ANP32B: variants seen among roughly 807,000 people sequenced by gnomAD.
ANP32B encodes acidic nuclear phosphoprotein 32 family member B.
Under a neutral mutation model 32.2 loss-of-function variants are expected in ANP32B, and 6 were observed. That is an observed-to-expected ratio of 0.19 (90% CI 0.10 to 0.37). ANP32B has a LOEUF of 0.37. Among genes scored for constraint, ANP32B ranks in the 10% least tolerant of loss-of-function variants. ANP32B has a pLI of 1.00. For missense variants in ANP32B, 204 were observed against 289.2 expected (o/e 0.71, Z 2.14); for synonymous variants, 98 against 105.8 (o/e 0.93, Z 0.45).
chr9:98,011,917 A>C (rs1828191770), intron 5 of ANP32B, among the ~76,000 whole-genome samples: 1 of 152,246 alleles, frequency 6.6e-6, no homozygotes, highest in Non-Finnish European at 1.5e-5. Context: ...ATACGAGGGC[A>C]GGAGAAAACA....
chr9:97,997,662 T>G (rs560530525), intron 2 of ANP32B, among the ~76,000 whole-genome samples: 21 of 152,376 alleles, frequency 1.4e-4, no homozygotes, highest in Admixed American at 7.8e-4. Flanking sequence ...CTTTGAGCAG[T>G]GCCTGGCATT....
chr9:97,993,000 C>T (rs943600631), intron 1 of ANP32B, among the ~76,000 whole-genome samples: 1 of 152,188 alleles, frequency 6.6e-6, no homozygotes, highest in Non-Finnish European at 1.5e-5. Context: ...CAGGATTCAA[C>T]CCCCGGCATA....
intron 3 of ANP32B, among the ~76,000 whole-genome samples, chr9:98,003,334 C>T (rs1041608925): frequency 3.3e-5 from 5 of 152,152 alleles, no homozygotes; most frequent in Non-Finnish European, 7.4e-5. Flanking sequence ...AGATGAAGTT[C>T]TTCATGTGCA....
chr9:97,999,637 AG>A (rs1177028282), intron 3 of ANP32B, among the ~76,000 whole-genome samples: 1 of 152,224 alleles, frequency 6.6e-6, no homozygotes, highest in Non-Finnish European at 1.5e-5. Context: ...CACTTATAGC[AG>A]GGAGGATAAT....
chr9:97,986,117 G>A (rs962054066), intron 1 of ANP32B, among the ~76,000 whole-genome samples: 2 of 144,160 alleles, frequency 1.4e-5, no homozygotes, highest in South Asian at 2.1e-4. Flanking sequence ...CACCGCCCCC[G>A]GCCACCAGTT....
At chr9:97,996,633 G>A (rs890631955) in intron 2 of ANP32B, among the ~76,000 whole-genome samples, 4 of 152,086 alleles carry the variant, frequency 2.6e-5, no homozygotes, top group Non-Finnish European at 4.4e-5. Flanking sequence ...AACTCTTGTT[G>A]CCCAGGTTGG....
At position 98,008,272 on chromosome 9, in the gene ANP32B, C is replaced by T. The variant is rs148470589; in HGVS notation, c.518-2999C>T. ...ATTGGGATTTTTGACATGTTTCAAA[C>T]AGTAGGAGTGATTTTTGAAAGAGAG... On this transcript the variant is annotated intron_variant, in intron 4 of 6. Transcript: ENST00000339399. 3.1e-3 allele frequency among the ~76,000 whole-genome samples: 466 copies of T among 152,286 alleles called. 3 individuals carry two copies. The highest frequency in any genetic ancestry group is 0.011 in the African/African-American group (440 of 41,580).
At chr9:97,984,232 G>A (rs948089629) in intron 1 of ANP32B, among the ~76,000 whole-genome samples, 4 of 150,796 alleles carry the variant, frequency 2.7e-5, no homozygotes, top group African/African-American at 9.7e-5. Context: ...CCCGGCGCGC[G>A]GAGCGGGGGA....
chr9:97,994,554 A>T, intron 1 of ANP32B, 77 bp from the exon 2 acceptor site: 2 of 1,456,324 alleles, frequency 1.4e-6, no homozygotes, highest in Non-Finnish European at 1.9e-6. Context: ...CAGGATATTT[A>T]TGGTAGAAGT....
intron 3 of ANP32B, among the ~76,000 whole-genome samples, chr9:98,004,089 T>G (rs971079072): frequency 2.6e-5 from 4 of 152,212 alleles, no homozygotes; most frequent in African/African-American, 9.6e-5. Context: ...GAAATACTAG[T>G]ACACTGATAT....
Position 97,983,464 on chromosome 9 carries a change from T to C in ANP32B, c.-92T>C. The C allele has an allele frequency of 8.1e-7, 1 of 1,227,270 alleles. No homozygotes were observed. The highest frequency in any genetic ancestry group is 2.8e-5 in the East Asian group (1 of 35,430). The allele number at this position is 1,227,270 out of a possible 1,614,324, so 76.0% of individuals were successfully genotyped here. A position where few individuals can be genotyped will look rare whatever the true frequency, so the allele number is the denominator to read the frequency against. On this transcript the variant is annotated 5_prime_UTR_variant, in exon 1 of 7. Coordinates refer to ENST00000339399, the MANE Select transcript of ANP32B (RefSeq NM_006401.3). ...CCGGCCTCCGCCGCTAGCAAACCCT[T>C]CCGACGGCCCTCGCTGCGCAAGCCG...
chr9:97,999,129 T>C (rs1050734085), intron 3 of ANP32B, among the ~76,000 whole-genome samples: 18 of 151,588 alleles, frequency 1.2e-4, no homozygotes, highest in African/African-American at 4.4e-4. Context: ...TTTTTACTTT[T>C]TATGTAAGTC....
chr9:97,994,563 G>A, intron 1 of ANP32B, 68 bp from the exon 2 acceptor site: 1 of 1,508,250 alleles, frequency 6.6e-7, no homozygotes, highest in South Asian at 1.2e-5. Context: ...TATGGTAGAA[G>A]TTTCTGCATT....
rs1827732256 is a variant in ANP32B, at chr9:97,986,259, GCTGCGTTAGGCAGCACTGGC to G, written c.54+2655_54+2674del. On this transcript the variant is annotated intron_variant, in intron 1 of 6. Coordinates refer to ENST00000339399, the MANE Select transcript of ANP32B (RefSeq NM_006401.3). ...CAGACGTGACAAGTGGCTCGTGGGT[GCTGCGTTAGGCAGCACTGGC>G]CTGCAGAATCCACTGGTTTATTAAG... Among the ~76,000 whole-genome samples, 8 of 152,376 alleles carry G rather than the reference GCTGCGTTAGGCAGCACTGGC, an allele frequency of 5.3e-5. No homozygotes were observed. The South Asian group carries it at 1.7e-3, about 32-fold the overall frequency.
chr9:97,997,428 A>G (rs1456245387), intron 2 of ANP32B, among the ~76,000 whole-genome samples: 1 of 152,210 alleles, frequency 6.6e-6, no homozygotes, highest in African/African-American at 2.4e-5. Flanking sequence ...GCATGGCAAA[A>G]ACTTCATTAC....
intron 1 of ANP32B, among the ~76,000 whole-genome samples, chr9:97,993,516 AAGTG>A (rs1827860983): frequency 6.6e-6 from 1 of 152,220 alleles, no homozygotes; most frequent in South Asian, 2.1e-4. Flanking sequence ...GAGTAGATCA[AAGTG>A]AGCTAAAAAG....
intron 1 of ANP32B, among the ~76,000 whole-genome samples, chr9:97,983,900 G>A (rs1460558645): frequency 6.6e-6 from 1 of 152,056 alleles, no homozygotes; most frequent in Non-Finnish European, 1.5e-5. Context: ...GCGTGTGCAA[G>A]TGGCCGGCGG....
At chr9:97,984,410 C>T (rs759719311) in intron 1 of ANP32B, among the ~76,000 whole-genome samples, 154 of 151,538 alleles carry the variant, frequency 1.0e-3, no homozygotes, top group Non-Finnish European at 1.9e-3. Context: ...CTCCCAGGGG[C>T]AGCCCGGGTC....
At chr9:98,011,619 A>C (rs1828187277) in intron 5 of ANP32B, among the ~76,000 whole-genome samples, 1 of 152,198 alleles carries the variant, frequency 6.6e-6, no homozygotes, top group Non-Finnish European at 1.5e-5. Context: ...GTGCAAGGTA[A>C]GTTCTGGCCC....
Sources: allele counts gnomAD v4.1 joint callset (sites outside exome capture counted in the v4.1 genomes callset), GRCh38; gene constraint gnomAD v4.1.1; transcripts MANE v1.5; gene names NCBI Gene and HGNC (gene_info 2026-07-23, HGNC 2026-07-21).